The following TMEM42 variants were observed in gnomAD, a reference collection of about 807,000 sequenced individuals.
TMEM42 encodes transmembrane protein 42.
In TMEM42, 8 loss-of-function variants were observed where a neutral mutation model predicts 14.0. That is an observed-to-expected ratio of 0.57 (90% CI 0.34 to 1.03). TMEM42 has a LOEUF of 1.03. TMEM42 is among the 50% of genes least tolerant of loss of function. The pLI is 0.03. For synonymous variants in TMEM42, 115 were observed against 94.3 expected (o/e 1.22, Z -1.27); for missense variants, 211 against 219.8 (o/e 0.96, Z 0.25).
rs772660640 is a variant in TMEM42, at chr3:44,865,410, C to T, written c.*230C>T. ...CTGTACAGTGCTTTGGATTCTTCCT[C>T]CCAGGCCTACCCCAGTGAGCCTTCG... On this transcript the variant is annotated 3_prime_UTR_variant, in exon 3 of 3. Transcript: ENST00000302392. 1.9e-6 allele frequency: 1 copy of T among 534,952 alleles called. No individual in the cohort carries two copies. Among genetic ancestry groups the T allele is most frequent in the Non-Finnish European group, 3.3e-6 (1 of 307,284 alleles). The allele number at this position is 534,952 out of a possible 1,614,324, so 33.1% of individuals were successfully genotyped here.
Position 44,864,257 on chromosome 3 carries a change from T to G in TMEM42, c.253T>G (p.Trp85Gly). Residue 85 changes from tryptophan to glycine, a missense_variant, in exon 2 of 3, where the codon TGG (tryptophan) becomes GGG (glycine). Trp to Gly is a radical substitution (Grantham distance 184). Transcript: ENST00000302392. ...IVMASTNSLMWTFFSRGLSFS... is the reference protein window; with the variant it reads ...IVMASTNSLMGTFFSRGLSFS... Reference sequence around the variant, plus strand: ...GATGGCGAGCACCAATTCTCTGATGTGGACCTTCTTTAGCCGGGGCCTCAG... The same window carrying G: ...GATGGCGAGCACCAATTCTCTGATGGGGACCTTCTTTAGCCGGGGCCTCAG... 6 of 1,614,228 alleles carry G rather than the reference T, an allele frequency of 3.7e-6. No individual in the cohort carries two copies. Among genetic ancestry groups the G allele is most frequent in the Non-Finnish European group, 5.1e-6 (6 of 1,180,042 alleles).
In TMEM42 at chr3:44,865,516, CAA is replaced by C; in HGVS notation, c.*339_*340del. On this transcript the variant is annotated 3_prime_UTR_variant, in exon 3 of 3. Coordinates refer to ENST00000302392, the MANE Select transcript of TMEM42 (RefSeq NM_144638.3). ...CTGTAATTATTGTCCTGTTGCCAAACAAAAGCCAGTCATGTAACTCTAGAAGC... is the reference window on the plus strand; with the variant it reads ...CTGTAATTATTGTCCTGTTGCCAAACAAGCCAGTCATGTAACTCTAGAAGC... The C allele has an allele frequency of 7.4e-6, 2 of 271,458 alleles. No individual in the cohort carries two copies. The highest frequency in any genetic ancestry group is 1.4e-5 in the Non-Finnish European group (2 of 138,170). 16.8% of individuals were successfully genotyped at this position (271,458 alleles called of 1,614,324 possible). A position where few individuals can be genotyped will look rare whatever the true frequency, so the allele number is the denominator to read the frequency against.
chr3:44,863,348 C>T (rs969004502), intron 1 of TMEM42: 2 of 142,958 alleles, frequency 1.4e-5, no homozygotes, highest in Non-Finnish European at 3.0e-5. Context: ...TAACTCACCA[C>T]CAAGCAAGGG....
In TMEM42 at chr3:44,862,019, C is replaced by A; in HGVS notation, c.95C>A (p.Ala32Glu). 1 of 1,377,118 alleles carries A rather than the reference C, an allele frequency of 7.3e-7. No individual in the cohort carries two copies. The allele number at this position is 1,377,118 out of a possible 1,614,324, so 85.3% of individuals were successfully genotyped here. ...TTCCCTCCGCACCTCCAGGCGGGTG[C>A]GATGCGGCGCCGCTTTTGGGGCGTA... ...AEFPPHLQAGAMRRRFWGVFN... is the reference protein window; with the variant it reads ...AEFPPHLQAGEMRRRFWGVFN... Residue 32 changes from alanine (A) to glutamate (E), a missense_variant, in exon 1 of 3, where the codon GCG (alanine) becomes GAG (glutamate). Physicochemically the swap from Ala to Glu is moderately radical, Grantham distance 107. Coordinates refer to ENST00000302392, the MANE Select transcript of TMEM42 (RefSeq NM_144638.3).
At chr3:44,863,734 A>C in intron 1 of TMEM42, 1 of 166,398 alleles carries the variant, frequency 6.0e-6, no homozygotes, top group Non-Finnish European at 1.3e-5. Context: ...TGTAACTTGT[A>C]TAGGATTTGG....
In TMEM42 at chr3:44,864,273, G is replaced by A. The variant is rs781527144; in HGVS notation, c.269G>A (p.Arg90Gln). 1.1e-4 allele frequency: 181 copies of A among 1,614,012 alleles called. 1 individual carries two copies. In the East Asian group the frequency reaches 2.4e-3, roughly 22 times the overall value. The change falls in exon 2 of 3, where the codon CGG becomes CAG. Residue 90 changes from arginine (R) to glutamine (Q), a missense_variant. By Grantham distance (43) the Arg-to-Gln change is conservative (BLOSUM62 1). Transcript: ENST00000302392. ...TCTCTGATGTGGACCTTCTTTAGCC[G>A]GGGCCTCAGTTTCTCCATGTCTTCA... is the stretch of plus-strand genomic sequence containing the variant. ...TNSLMWTFFSRGLSFSMSSAI... is the reference protein window; with the variant it reads ...TNSLMWTFFSQGLSFSMSSAI...
chr3:44,864,066 G>C, intron 1 of TMEM42, 131 bp from the exon 2 acceptor site: 1 of 1,054,364 alleles, frequency 9.5e-7, no homozygotes, highest in Non-Finnish European at 1.4e-6. Flanking sequence ...AAAGCTCTGA[G>C]GCCCTCTGAG....
Position 44,865,176 on chromosome 3 carries a change from A to G in TMEM42, c.476A>G (p.Gln159Arg), listed in dbSNP as rs767905324. The change falls in exon 3 of 3, where the codon CAG (glutamine) becomes CGG (arginine). Residue 159 changes from glutamine to arginine, a missense_variant. Physicochemically the swap from Gln to Arg is conservative, Grantham distance 43. Transcript: ENST00000302392. ...TGGAAGCCCCTTCCACACAAGCAGC[A>G]GTAGCACCACTTGGCTAGACGGACC... ...PTWKPLPHKQ[Q>R] 6.2e-7 allele frequency: 1 copy of G among 1,614,174 alleles called. No individual in the cohort carries two copies. The highest frequency in any genetic ancestry group is 1.1e-5 in the South Asian group (1 of 91,076).
Position 44,865,460 on chromosome 3 carries a change from G to GAGAGCCT in TMEM42, c.*280_*281insAGAGCCT. On this transcript the variant is annotated 3_prime_UTR_variant, in exon 3 of 3. Coordinates refer to ENST00000302392, the MANE Select transcript of TMEM42 (RefSeq NM_144638.3). ...GCAGATGCTGGAGATCCTGGGGTTGGTCTGCTTTGTGTATGGTACTTGAAA... is the reference window on the plus strand; with the variant it reads ...GCAGATGCTGGAGATCCTGGGGTTGGAGAGCCTTCTGCTTTGTGTATGGTACTTGAAA... The GAGAGCCT allele has an allele frequency of 2.3e-6, 1 of 440,692 alleles. No individual in the cohort carries two copies. The highest frequency in any genetic ancestry group is 4.2e-6 in the Non-Finnish European group (1 of 240,794). The allele number at this position is 440,692 out of a possible 1,614,324, so 27.3% of individuals were successfully genotyped here. A position where few individuals can be genotyped will look rare whatever the true frequency, so the allele number is the denominator to read the frequency against.
At chr3:44,864,140 G>T (rs1699293812) in intron 1 of TMEM42, 57 bp from the exon 2 acceptor site, 1 of 1,607,788 alleles carries the variant, frequency 6.2e-7, no homozygotes. Context: ...TGCTTTGAGG[G>T]GGTCTGCAGG....
At position 44,865,335 on chromosome 3, in the gene TMEM42, T is replaced by G; in HGVS notation, c.*155T>G. 2 of 939,206 alleles carry G rather than the reference T, an allele frequency of 2.1e-6. No individual in the cohort carries two copies. Among genetic ancestry groups the G allele is most frequent in the Non-Finnish European group, 3.2e-6 (2 of 622,914 alleles). The allele number at this position is 939,206 out of a possible 1,614,324, so 58.2% of individuals were successfully genotyped here. A position where few individuals can be genotyped will look rare whatever the true frequency, so the allele number is the denominator to read the frequency against. On this transcript the variant is annotated 3_prime_UTR_variant, in exon 3 of 3. Transcript: ENST00000302392. ...TCTGATGGAGCAGGCTCTGGCTCTG[T>G]AAGGAGAGGTGCAGCTGCAGCAGTG...
chr3:44,863,394 ATCTTC>A (rs1699285219), intron 1 of TMEM42: 1 of 147,014 alleles, frequency 6.8e-6, no homozygotes, highest in Admixed American at 7.1e-5. Flanking sequence ...GCTTCTAAAG[ATCTTC>A]TCTTCTCTTG....
intron 1 of TMEM42, 129 bp from the exon 2 acceptor site, chr3:44,864,067 GC>G: frequency 9.4e-7 from 1 of 1,064,608 alleles, no homozygotes; most frequent in Non-Finnish European, 1.4e-6. Flanking sequence ...AAGCTCTGAG[GC>G]CCTCTGAGCT....
intron 1 of TMEM42, 134 bp downstream of exon 1, chr3:44,862,250 C>G (rs1191585129): frequency 3.4e-6 from 2 of 585,004 alleles, no homozygotes; most frequent in East Asian, 2.8e-4. Flanking sequence ...CCGCCGCACC[C>G]TCGCCGGTCT....
intron 1 of TMEM42, chr3:44,863,823 T>C (rs1317241457): frequency 4.6e-6 from 1 of 219,488 alleles, no homozygotes; most frequent in Non-Finnish European, 9.2e-6. Flanking sequence ...CTAGGCTTAC[T>C]ACCTACGGAG....
Position 44,864,355 on chromosome 3 carries a change from G to GTCCT in TMEM42, c.339+12_339+13insTCCT. ...ATATCCTCAGCTCGGTGAGTAGCCT[G>GTCCT]AGGGTGTGGTGCTCTTGTCCTAAAT... is the stretch of plus-strand genomic sequence containing the variant. On this transcript the variant is annotated intron_variant, in intron 2 of 2. Coordinates refer to ENST00000302392, the MANE Select transcript of TMEM42 (RefSeq NM_144638.3). 1.2e-6 allele frequency: 2 copies of GTCCT among 1,614,062 alleles called. No homozygotes were observed. Among genetic ancestry groups the GTCCT allele is most frequent in the Non-Finnish European group, 1.7e-6 (2 of 1,179,982 alleles).
At chr3:44,864,467 G>A in intron 2 of TMEM42, 124 bp downstream of exon 2, 1 of 1,214,442 alleles carries the variant, frequency 8.2e-7, no homozygotes, top group Non-Finnish European at 1.2e-6. Context: ...TTGGGCTGTG[G>A]CTTGACCCCT....
intron 2 of TMEM42, 131 bp from the exon 3 acceptor site, chr3:44,864,909 A>G (rs1699303756): frequency 8.6e-7 from 1 of 1,167,476 alleles, no homozygotes; most frequent in Non-Finnish European, 1.2e-6. Context: ...GGTGACAGCT[A>G]GGTTTCAAGC....
chr3:44,862,129 G>A lies in TMEM42; in HGVS notation c.192+13G>A, dbSNP rs2125738583. On this transcript the variant is annotated intron_variant, in intron 1 of 2. Transcript: ENST00000302392. ...CTTCGGCAGCGAGGTCGAGCCCGGGGCGCTGTTGGTGCTGCTGCTGCGGGC... is the reference window on the plus strand; with the variant it reads ...CTTCGGCAGCGAGGTCGAGCCCGGGACGCTGTTGGTGCTGCTGCTGCGGGC... The A allele has an allele frequency of 8.1e-7, 1 of 1,232,272 alleles. No homozygotes were observed. The highest frequency in any genetic ancestry group is 1.6e-5 in the African/African-American group (1 of 64,048). 76.3% of individuals were successfully genotyped at this position (1,232,272 alleles called of 1,614,324 possible).
Sources: allele counts gnomAD v4.1 joint callset, GRCh38; gene constraint gnomAD v4.1.1; transcripts MANE v1.5; gene names NCBI Gene and HGNC (gene_info 2026-07-23, HGNC 2026-07-21).